Variants in KCNAB1 observed in about 807,000 individuals in gnomAD.
KCNAB1 encodes potassium voltage-gated channel subfamily A regulatory beta subunit 1, also known as voltage-gated potassium channel subunit beta-1.
KCNAB1 carries 35 observed loss-of-function variants against 64.6 expected under a neutral mutation model. The ratio of observed to expected loss-of-function variants is 0.54; its 90% confidence interval spans 0.41 to 0.72. KCNAB1 has a LOEUF of 0.72. Among genes scored for constraint, KCNAB1 ranks in the 30% least tolerant of loss-of-function variants. KCNAB1 has a pLI of 0.00. For synonymous variants in KCNAB1, 177 were observed against 183.8 expected, an observed-to-expected ratio of 0.96 and a Z score of 0.30; for missense variants, 401 against 512.9, an observed-to-expected ratio of 0.78 and a Z score of 2.11.
At chr3:156,179,873 C>A (rs1385026752) in intron 1 of KCNAB1, among the ~76,000 whole-genome samples, 5 of 152,132 alleles carry the variant, frequency 3.3e-5, no homozygotes. Context: ...TAACGTAAAT[C>A]ATCCTAGTGT....
intron 1 of KCNAB1, among the ~76,000 whole-genome samples, chr3:156,402,499 TC>T (rs1426539566): frequency 9.2e-5 from 14 of 152,304 alleles, no homozygotes; most frequent in Non-Finnish European, 1.6e-4. Flanking sequence ...GAATCTACAT[TC>T]CTCCAACACC....
In KCNAB1 at chr3:156,299,674, T is replaced by G. The variant is rs551521131; in HGVS notation, c.276-121942T>G. On this transcript the variant is annotated intron_variant, in intron 1 of 13. Coordinates refer to ENST00000490337, the MANE Select transcript of KCNAB1 (RefSeq NM_172160.3). ...AAAATTCCTTACTGCAGGTTGATTT[T>G]CATTTACCCAGATTGGAAACCAAAA... Among the ~76,000 whole-genome samples the G allele has an allele frequency of 5.9e-5, 9 of 152,312 alleles. 1 individual carries two copies. The South Asian group carries it at 1.9e-3, about 32-fold the overall frequency.
At chr3:156,431,161 A>G (rs548694513) in intron 2 of KCNAB1, among the ~76,000 whole-genome samples, 129 of 152,240 alleles carry the variant, frequency 8.5e-4, no homozygotes, top group African/African-American at 2.7e-3. Flanking sequence ...TCCTTTGCAC[A>G]CTGCCCTAAA....
intron 1 of KCNAB1, among the ~76,000 whole-genome samples, chr3:156,247,062 G>C (rs1348903691): frequency 6.6e-6 from 1 of 152,070 alleles, no homozygotes; most frequent in African/African-American, 2.4e-5. Context: ...ATGTATGATT[G>C]ACTGGGAAAA....
At chr3:156,523,641 A>G in intron 11 of KCNAB1, 186 bp from the exon 12 acceptor site, 6 of 609,998 alleles carry the variant, frequency 9.8e-6, no homozygotes, top group East Asian at 5.5e-5. Flanking sequence ...TCTGTTTTGA[A>G]CCAATAAACA....
intron 1 of KCNAB1, among the ~76,000 whole-genome samples, chr3:156,221,184 T>C (rs928515216): frequency 1.3e-5 from 2 of 152,238 alleles, no homozygotes; most frequent in African/African-American, 4.8e-5. Flanking sequence ...TGCTTAGGAT[T>C]GTCTTGGCTA....
chr3:156,468,597 A>G (rs1263391417), intron 7 of KCNAB1, among the ~76,000 whole-genome samples: 1 of 152,212 alleles, frequency 6.6e-6, no homozygotes, highest in Non-Finnish European at 1.5e-5. Context: ...TATAAAGGTT[A>G]CTATATGGGG....
At chr3:156,206,223 A>T (rs1714652601) in intron 1 of KCNAB1, among the ~76,000 whole-genome samples, 1 of 152,096 alleles carries the variant, frequency 6.6e-6, no homozygotes, top group African/African-American at 2.4e-5. Context: ...TTGTCAGGTT[A>T]TGGGGATTGG....
Position 156,175,109 on chromosome 3 carries a change from T to G in KCNAB1, c.275+54223T>G, listed in dbSNP as rs148699563. Among the ~76,000 whole-genome samples the G allele has an allele frequency of 1.2e-4, 19 of 152,350 alleles. No homozygotes were observed. In the East Asian group the frequency reaches 3.5e-3, roughly 28 times the overall value. On this transcript the variant is annotated intron_variant, in intron 1 of 13. Coordinates refer to ENST00000490337, the MANE Select transcript of KCNAB1 (RefSeq NM_172160.3). ...AGTTTGGATTTTTACCCCTCTGGAC[T>G]GTCATCAACAGAAAACAGAGGTGCT...
At chr3:156,418,588 G>A (rs776116404) in intron 1 of KCNAB1, among the ~76,000 whole-genome samples, 3 of 152,156 alleles carry the variant, frequency 2.0e-5, no homozygotes, top group Non-Finnish European at 4.4e-5. Flanking sequence ...ATCATGTTGG[G>A]ATTTCATGCC....
intron 1 of KCNAB1, among the ~76,000 whole-genome samples, chr3:156,256,104 G>A (rs1272450202): frequency 1.3e-5 from 2 of 152,236 alleles, no homozygotes; most frequent in African/African-American, 4.8e-5. Context: ...TGACTGCAGA[G>A]TTTGAATAAT....
At chr3:156,327,287 C>G (rs1723026738) in intron 1 of KCNAB1, among the ~76,000 whole-genome samples, 1 of 152,100 alleles carries the variant, frequency 6.6e-6, no homozygotes, top group African/African-American at 2.4e-5. Context: ...TGTGTTGAGG[C>G]CATACAATCC....
intron 1 of KCNAB1, among the ~76,000 whole-genome samples, chr3:156,138,195 G>A (rs935306365): frequency 6.6e-6 from 1 of 152,232 alleles, no homozygotes; most frequent in African/African-American, 2.4e-5. Flanking sequence ...GCAGTGACAG[G>A]AGGAGCAATC....
intron 1 of KCNAB1, among the ~76,000 whole-genome samples, chr3:156,341,533 A>G (rs576777231): frequency 1.1e-4 from 16 of 152,118 alleles, no homozygotes; most frequent in Non-Finnish European, 1.6e-4. Flanking sequence ...TCAGAGCCCA[A>G]TTGGCCTCCG....
At chr3:156,438,236 G>A (rs1233441769) in intron 2 of KCNAB1, among the ~76,000 whole-genome samples, 2 of 152,174 alleles carry the variant, frequency 1.3e-5, no homozygotes, top group Non-Finnish European at 2.9e-5. Flanking sequence ...GAGGCTTTGA[G>A]TACCTGGGAA....
At chr3:156,150,152 G>A (rs1251439159) in intron 1 of KCNAB1, among the ~76,000 whole-genome samples, 4 of 152,168 alleles carry the variant, frequency 2.6e-5, no homozygotes, top group African/African-American at 7.2e-5. Flanking sequence ...GGCTCAGGAC[G>A]TATGTGATTA....
At chr3:156,480,498 A>G (rs1049923613) in intron 8 of KCNAB1, among the ~76,000 whole-genome samples, 3 of 151,932 alleles carry the variant, frequency 2.0e-5, no homozygotes, top group Non-Finnish European at 4.4e-5. Flanking sequence ...ATACCTATGT[A>G]ACAAACTTGC....
At chr3:156,352,404 A>G (rs1219362871) in intron 1 of KCNAB1, among the ~76,000 whole-genome samples, 3 of 152,216 alleles carry the variant, frequency 2.0e-5, no homozygotes, top group Non-Finnish European at 2.9e-5. Context: ...GTGGTGTCAC[A>G]GCCGCTCTAA....
chr3:156,255,686 A>G (rs1328278716), intron 1 of KCNAB1, among the ~76,000 whole-genome samples: 3 of 152,172 alleles, frequency 2.0e-5, no homozygotes, highest in Admixed American at 2.0e-4. Flanking sequence ...CAATGGGCTC[A>G]TGTGTCCTCC....
Sources: allele counts gnomAD v4.1 joint callset (sites outside exome capture counted in the v4.1 genomes callset), GRCh38; gene constraint gnomAD v4.1.1; transcripts MANE v1.5; gene names NCBI Gene and HGNC (gene_info 2026-07-23, HGNC 2026-07-21).